ADK: variants seen among roughly 807,000 people sequenced by gnomAD.
ADK encodes N6,N6-dimethyladenosine kinase.
A neutral mutation model predicts 44.7 loss-of-function variants in ADK; 24 were observed. The ratio of observed to expected loss-of-function variants is 0.54; its 90% confidence interval spans 0.39 to 0.76. The LOEUF is 0.76. ADK is among the 30% of genes least tolerant of loss of function. ADK has a pLI of 0.00. For missense variants in ADK, 321 were observed against 425.1 expected (o/e 0.76, Z 2.15); for synonymous variants, 128 against 142.6 (o/e 0.90, Z 0.73).
intron 3 of ADK, among the ~76,000 whole-genome samples, chr10:74,303,589 T>TTTTG (rs1840145314): frequency 1.1e-5 from 1 of 94,244 alleles, no homozygotes; most frequent in East Asian, 2.6e-4. Context: ...TTTAATGTTG[T>TTTTG]TTTTTTTTTT....
At chr10:74,562,087 T>C (rs1286076792) in intron 7 of ADK, among the ~76,000 whole-genome samples, 1 of 152,228 alleles carries the variant, frequency 6.6e-6, no homozygotes, top group Admixed American at 6.5e-5. Flanking sequence ...ATGCCTGCTA[T>C]GTACCAAGCA....
chr10:74,594,116 C>G (rs756624730), intron 8 of ADK, among the ~76,000 whole-genome samples: 1 of 144,556 alleles, frequency 6.9e-6, no homozygotes, highest in East Asian at 2.1e-4. Flanking sequence ...TGTTCTCACT[C>G]GTAAGTGGGA....
intron 2 of ADK, among the ~76,000 whole-genome samples, chr10:74,206,332 T>G (rs1473647306): frequency 6.6e-6 from 1 of 152,128 alleles, no homozygotes; most frequent in African/African-American, 2.4e-5. Flanking sequence ...GGTGAAATGT[T>G]TTGTATTGTT....
At chr10:74,419,915 C>G (rs910656462) in intron 6 of ADK, among the ~76,000 whole-genome samples, 2 of 152,148 alleles carry the variant, frequency 1.3e-5, no homozygotes, top group Non-Finnish European at 2.9e-5. Context: ...GTTTTTAAAT[C>G]TGCTTCTGTT....
chr10:74,593,485 G>C (rs1851787488), intron 8 of ADK, among the ~76,000 whole-genome samples: 1 of 147,362 alleles, frequency 6.8e-6, no homozygotes, highest in African/African-American at 2.5e-5. Flanking sequence ...CAAAAAAAAA[G>C]CGACACAAAC....
chr10:74,612,895 A>T (rs978733138), intron 9 of ADK, among the ~76,000 whole-genome samples: 5 of 151,912 alleles, frequency 3.3e-5, no homozygotes, highest in Admixed American at 1.3e-4. Flanking sequence ...TCCTTTCATC[A>T]CTATTTATTT....
At chr10:74,470,387 T>C (rs1409416229) in intron 6 of ADK, among the ~76,000 whole-genome samples, 1 of 152,080 alleles carries the variant, frequency 6.6e-6, no homozygotes, top group Non-Finnish European at 1.5e-5. Context: ...CTTTGCTATT[T>C]TGAATAATTC....
chr10:74,682,657 T>C (rs1298940325), intron 10 of ADK, among the ~76,000 whole-genome samples: 1 of 150,054 alleles, frequency 6.7e-6, no homozygotes, highest in Non-Finnish European at 1.5e-5. Context: ...CACTGCAACC[T>C]CTGCCTCCCA....
intron 1 of ADK, 146 bp from the exon 2 acceptor site, chr10:74,200,618 A>G (rs561492212): frequency 1.5e-6 from 1 of 675,754 alleles, no homozygotes; most frequent in African/African-American, 1.8e-5. Context: ...TGTTCTACGT[A>G]TAATAGGCAA....
intron 4 of ADK, among the ~76,000 whole-genome samples, chr10:74,387,507 G>A (rs949277536): frequency 6.6e-6 from 1 of 152,042 alleles, no homozygotes; most frequent in Non-Finnish European, 1.5e-5. Flanking sequence ...TCTAACATAG[G>A]AAAGGAGGCA....
At chr10:74,441,485 A>C (rs1845405358) in intron 6 of ADK, among the ~76,000 whole-genome samples, 1 of 152,238 alleles carries the variant, frequency 6.6e-6, no homozygotes, top group Non-Finnish European at 1.5e-5. Flanking sequence ...AAAAGGTAGA[A>C]ATGACTGAAA....
At chr10:74,659,718 A>C (rs2134164388) in intron 9 of ADK, among the ~76,000 whole-genome samples, 1 of 152,348 alleles carries the variant, frequency 6.6e-6, no homozygotes, top group South Asian at 2.1e-4. Flanking sequence ...CTCAAAGCTG[A>C]AGAAAGTCTG....
intron 6 of ADK, among the ~76,000 whole-genome samples, chr10:74,422,585 GT>G (rs536870436): frequency 1.2e-3 from 179 of 152,254 alleles, no homozygotes; most frequent in African/African-American, 4.0e-3. Context: ...TAGGAAGTCT[GT>G]ATATTAAACT....
In ADK at chr10:74,529,555, AC is replaced by A. The variant is rs1400316948; in HGVS notation, c.726+4130del. 7.9e-5 allele frequency among the ~76,000 whole-genome samples: 12 copies of A among 152,210 alleles called. 1 individual carries two copies. On this transcript the variant is annotated intron_variant, in intron 7 of 10. Transcript: ENST00000539909. ...AATTTTTTTGAAAAAGTTTTATTCT[AC>A]AAATCAGTAAACTTAAAAGTTGGAT... is the stretch of plus-strand genomic sequence containing the variant.
chr10:74,419,186 T>C (rs1399447535), intron 6 of ADK, among the ~76,000 whole-genome samples: 4 of 152,188 alleles, frequency 2.6e-5, no homozygotes, highest in Non-Finnish European at 5.9e-5. Context: ...CACTCTAAAA[T>C]GACCATTCTT....
At chr10:74,289,549 G>A (rs960845088) in intron 3 of ADK, among the ~76,000 whole-genome samples, 8 of 152,130 alleles carry the variant, frequency 5.3e-5, no homozygotes, top group Admixed American at 3.3e-4. Flanking sequence ...CTGATTTGGA[G>A]TGTTATGTTT....
At position 74,670,112 on chromosome 10, in the gene ADK, T is replaced by C. The variant is rs10740443; in HGVS notation, c.878-71T>C. 825,791 of 1,163,334 alleles carry C rather than the reference T, an allele frequency of 0.71. 294,205 individuals are homozygous for C. Among genetic ancestry groups the C allele is most frequent in the Middle Eastern group, 0.79 (4,083 of 5,194 alleles). 72.1% of individuals were successfully genotyped at this position (1,163,334 alleles called of 1,614,324 possible). A position where few individuals can be genotyped will look rare whatever the true frequency, so the allele number is the denominator to read the frequency against. On this transcript the variant is annotated intron_variant, in intron 9 of 10. Coordinates refer to ENST00000539909, the MANE Select transcript of ADK (RefSeq NM_006721.4). Reference sequence around the variant, plus strand: ...TGATGAGTGATGAAGGAGCTTCAGATGTTACTGGGTGAGCTTGTATTGAGT... The same window carrying C: ...TGATGAGTGATGAAGGAGCTTCAGACGTTACTGGGTGAGCTTGTATTGAGT...
At chr10:74,332,698 G>C (rs1841262235) in intron 4 of ADK, among the ~76,000 whole-genome samples, 1 of 152,090 alleles carries the variant, frequency 6.6e-6, no homozygotes, top group South Asian at 2.1e-4. Context: ...TGCACAACAA[G>C]AAAAACTGAA....
chr10:74,487,343 A>C (rs1331977671), intron 6 of ADK, among the ~76,000 whole-genome samples: 2 of 151,932 alleles, frequency 1.3e-5, no homozygotes, highest in Non-Finnish European at 2.9e-5. Flanking sequence ...AACTCTAAGA[A>C]ATACAGCACT....
Sources: gnomAD v4.1 joint callset for allele counts (sites outside exome capture counted in the v4.1 genomes callset) on GRCh38, gnomAD v4.1.1 for gene constraint, MANE v1.5 for transcripts, NCBI Gene and HGNC (gene_info 2026-07-23, HGNC 2026-07-21) for gene names.